ACCS: variants seen among roughly 807,000 people sequenced by gnomAD.
ACCS encodes the protein 1-aminocyclopropane-1-carboxylate synthase-like protein 1.
A neutral mutation model predicts 59.8 loss-of-function variants in ACCS; 42 were observed. That is an observed-to-expected ratio of 0.70 (90% CI 0.55 to 0.91). The LOEUF is 0.91. Ranked by LOEUF, ACCS falls within the 40% of genes least tolerant of loss-of-function variation. The probability of loss-of-function intolerance (pLI) is 0.00; values close to 1 mark genes in which losing one functional copy is unlikely to be tolerated. For missense variants in ACCS, 602 were observed against 630.4 expected (o/e 0.95, Z 0.48); for synonymous variants, 230 against 240.3 (o/e 0.96, Z 0.40).
chr11:44,074,952 G>C (rs1182636970), intron 5 of ACCS, among the ~76,000 whole-genome samples: 1 of 151,312 alleles, frequency 6.6e-6, no homozygotes, highest in African/African-American at 2.4e-5. Context: ...AGCCTCCCGA[G>C]TAGGTGGGAT....
chr11:44,081,068 G>A lies in ACCS; in HGVS notation c.969+3G>A, dbSNP rs777922981. 15 of 1,614,102 alleles carry A rather than the reference G, an allele frequency of 9.3e-6. No individual in the cohort carries two copies. The highest frequency in any genetic ancestry group is 2.7e-5 in the African/African-American group (2 of 74,940). On this transcript the variant is annotated splice_donor_region_variant and intron_variant, in intron 11 of 14. Coordinates refer to ENST00000263776, the MANE Select transcript of ACCS (RefSeq NM_032592.4). ...ATGTGATGTGGGCAACCAGCAAGGT[G>A]AGTTCCTGGCTGGCCTTGGGGGTGT...
rs78370029 is a variant in ACCS, at chr11:44,077,428, T to C, written c.654+52T>C. On this transcript the variant is annotated intron_variant, in intron 7 of 14. Transcript: ENST00000263776. ...ACCTGGGCCTGCCTGTGGTCAAGAG[T>C]TTCCTGGGTCTGAATTTGAGGGTGG... 12,148 of 1,609,612 alleles carry C rather than the reference T, an allele frequency of 7.5e-3. 508 individuals carry two copies. In the African/African-American group the frequency reaches 0.1, roughly 14 times the overall value.
chr11:44,066,429 C>T lies in ACCS; in HGVS notation c.-273C>T, dbSNP rs1293062507. The T allele has an allele frequency of 6.6e-6, 1 of 152,380 alleles. No individual in the cohort carries two copies. The highest frequency in any genetic ancestry group is 1.5e-5 in the Non-Finnish European group (1 of 68,138). 9.4% of individuals were successfully genotyped at this position (152,380 alleles called of 1,614,324 possible). A position where few individuals can be genotyped will look rare whatever the true frequency, so the allele number is the denominator to read the frequency against. On this transcript the variant is annotated 5_prime_UTR_variant, in exon 1 of 15. Transcript: ENST00000263776. ...ATCTCGAATCCCTTGGCGCCGATCACACTTCCTCTGCCTGGAAACCTGGAG... is the reference window on the plus strand; with the variant it reads ...ATCTCGAATCCCTTGGCGCCGATCATACTTCCTCTGCCTGGAAACCTGGAG...
In ACCS at chr11:44,077,868, C is replaced by G; in HGVS notation, c.678C>G (p.Pro226=). Residue 226 remains proline, a synonymous_variant, in exon 8 of 15, where the codon CCC becomes CCG. Coordinates refer to ENST00000263776, the MANE Select transcript of ACCS (RefSeq NM_032592.4). ...DSEVTGLDTR[P]FQLTVEKLEM... ...AGGTCACTGGGCTAGACACACGCCC[C>G]TTCCAGCTCACAGTGGAGAAGCTGG... 6.2e-7 allele frequency: 1 copy of G among 1,614,026 alleles called. No individual in the cohort carries two copies. The highest frequency in any genetic ancestry group is 8.5e-7 in the Non-Finnish European group (1 of 1,179,958).
intron 5 of ACCS, among the ~76,000 whole-genome samples, chr11:44,075,316 A>T (rs188922854): frequency 1.1e-4 from 16 of 152,242 alleles, no homozygotes; most frequent in Admixed American, 7.2e-4. Flanking sequence ...GACCCTCTAA[A>T]TGACCAGCCC....
intron 6 of ACCS, among the ~76,000 whole-genome samples, chr11:44,076,024 G>A (rs1953345780): frequency 6.6e-6 from 1 of 152,188 alleles, no homozygotes; most frequent in South Asian, 2.1e-4. Flanking sequence ...CCTGGCAAAG[G>A]GGACTAAGAA....
At chr11:44,077,509 G>T (rs1353371296) in intron 7 of ACCS, 133 bp downstream of exon 7, 2 of 1,483,458 alleles carry the variant, frequency 1.3e-6, no homozygotes, top group Non-Finnish European at 8.9e-7. Context: ...TTCTGTTGCT[G>T]CATGGCTGCC....
At position 44,073,427 on chromosome 11, in the gene ACCS, T is replaced by C; in HGVS notation, c.349-20T>C. 3 of 1,602,418 alleles carry C rather than the reference T, an allele frequency of 1.9e-6. No individual in the cohort carries two copies. Among genetic ancestry groups the C allele is most frequent in the South Asian group, 1.1e-5 (1 of 88,856 alleles). On this transcript the variant is annotated intron_variant, in intron 3 of 14. Transcript: ENST00000263776. Reference sequence around the variant, plus strand: ...TAGCAGTGCTGGCCCTCAGCCGTGCTCTTCCCTCTCTGTCCCCAGCTGAGT... The same window carrying C: ...TAGCAGTGCTGGCCCTCAGCCGTGCCCTTCCCTCTCTGTCCCCAGCTGAGT...
chr11:44,078,194 A>G (rs1484300970), intron 8 of ACCS: 9 of 459,516 alleles, frequency 2.0e-5, no homozygotes, highest in Non-Finnish European at 3.5e-5. Context: ...GATCCATCTG[A>G]TTATGATTCA....
At chr11:44,078,433 G>A (rs530882403) in intron 8 of ACCS, 30 of 445,526 alleles carry the variant, frequency 6.7e-5, no homozygotes, top group Non-Finnish European at 1.0e-4. Context: ...AGTGCAAAAG[G>A]CCAACCCAAA....
intron 10 of ACCS, 52 bp downstream of exon 10, chr11:44,079,672 C>T: frequency 1.3e-6 from 2 of 1,529,852 alleles, no homozygotes; most frequent in Non-Finnish European, 1.8e-6. Context: ...TCCCACGGAG[C>T]CCTGGCCACT....
intron 3 of ACCS, chr11:44,072,349 G>A (rs1953095537): frequency 6.6e-6 from 1 of 151,906 alleles, no homozygotes; most frequent in Non-Finnish European, 1.5e-5. Flanking sequence ...GTAGAGACAG[G>A]GTTTCACCAT....
chr11:44,078,006 C>T, intron 8 of ACCS, 84 bp downstream of exon 8: 1 of 1,492,064 alleles, frequency 6.7e-7, no homozygotes, highest in East Asian at 2.3e-5. Flanking sequence ...CTGATCTCCT[C>T]CCGGGAGTAG....
chr11:44,078,745 C>T lies in ACCS; in HGVS notation c.794C>T (p.Ser265Phe), dbSNP rs768714577. Residue 265 changes from serine to phenylalanine, a missense_variant, in exon 9 of 15, where the codon TCC becomes TTC. Physicochemically the swap from Ser to Phe is radical, Grantham distance 155. Transcript: ENST00000263776. ...CAGAACCCTCTGGGTGATGTATACT[C>T]CCCTGAAGAGCTACAGGAGTACCTG... Reference protein sequence around the residue: ...SPQNPLGDVYSPEELQEYLVF... With the variant: ...SPQNPLGDVYFPEELQEYLVF... The T allele has an allele frequency of 1.9e-6, 3 of 1,613,936 alleles. No homozygotes were observed. Among genetic ancestry groups the T allele is most frequent in the African/African-American group, 2.7e-5 (2 of 74,892 alleles).
Position 44,077,296 on chromosome 11 carries a change from A to AC in ACCS, c.578dup (p.Tyr194LeufsTer25). ...GCCCCCAGAGGCTTTCCTGATCCCC[A>AC]CCCCTTACTATGGCGCTATCACACA... is the stretch of plus-strand genomic sequence containing the variant. On this transcript the variant is annotated frameshift_variant, in exon 7 of 15. Transcript: ENST00000263776. LOFTEE classifies it high-confidence loss of function. The AC allele has an allele frequency of 6.2e-7, 1 of 1,613,738 alleles. No individual in the cohort carries two copies. The highest frequency in any genetic ancestry group is 8.5e-7 in the Non-Finnish European group (1 of 1,179,872).
At chr11:44,067,341 A>C (rs1952835634) in intron 1 of ACCS, 1 of 332,794 alleles carries the variant, frequency 3.0e-6, no homozygotes. Flanking sequence ...CTTAGGCTGG[A>C]GAGTGAAAAA....
Position 44,072,146 on chromosome 11 carries a change from G to T in ACCS, c.348+831G>T. 2 of 75,642 alleles carry T rather than the reference G, an allele frequency of 2.6e-5. 1 individual carries two copies. The highest frequency in any genetic ancestry group is 3.7e-4 in the Admixed American group (2 of 5,378). 4.7% of individuals were successfully genotyped at this position (75,642 alleles called of 1,614,324 possible). A position where few individuals can be genotyped will look rare whatever the true frequency, so the allele number is the denominator to read the frequency against. On this transcript the variant is annotated intron_variant, in intron 3 of 14. Coordinates refer to ENST00000263776, the MANE Select transcript of ACCS (RefSeq NM_032592.4). ...CAAGGGGAAGGGGTTATAGGGAATA[G>T]ATTTTATTTATTTATTTATTTATTT...
intron 4 of ACCS, 27 bp downstream of exon 4, chr11:44,073,544 G>T (rs1474346113): frequency 1.3e-6 from 2 of 1,583,810 alleles, no homozygotes; most frequent in Middle Eastern, 1.7e-4. Context: ...GGGTGAGTTT[G>T]TCCCCCTGGG....
chr11:44,076,107 T>C (rs1352367703), intron 6 of ACCS, among the ~76,000 whole-genome samples: 3 of 152,216 alleles, frequency 2.0e-5, no homozygotes, highest in African/African-American at 7.2e-5. Context: ...CTTAGACATC[T>C]TGCTGGTCAT....
Sources: gnomAD v4.1 joint callset for allele counts (sites outside exome capture counted in the v4.1 genomes callset) on GRCh38, gnomAD v4.1.1 for gene constraint, MANE v1.5 for transcripts, NCBI Gene and HGNC (gene_info 2026-07-23, HGNC 2026-07-21) for gene names.